The following ZFHX4 variants were observed in gnomAD, a reference collection of about 807,000 sequenced individuals.
ZFHX4 encodes zinc finger homeobox 4, also known as zinc finger homeobox protein 4.
ZFHX4 carries 56 observed loss-of-function variants against 267.6 expected under a neutral mutation model. That is an observed-to-expected ratio of 0.21 (90% confidence interval 0.17 to 0.26). ZFHX4 has a LOEUF of 0.26. Ranked by LOEUF, ZFHX4 falls within the 10% of genes least tolerant of loss-of-function variation. The probability of loss-of-function intolerance (pLI) is 1.00; values close to 1 mark genes in which losing one functional copy is unlikely to be tolerated. For missense variants in ZFHX4, 4,332 were observed against 4,420.0 expected, an observed-to-expected ratio of 0.98 and a Z score of 0.56; for synonymous variants, 1,778 against 1,665.6, an observed-to-expected ratio of 1.07 and a Z score of -1.64.
At chr8:76,856,446 C>A in intron 10 of ZFHX4, 146 bp downstream of exon 10, 3 of 985,526 alleles carry the variant, frequency 3.0e-6, no homozygotes, top group Non-Finnish European at 4.6e-6. Context: ...ATTATATTGG[C>A]TATAGCTAAT....
At position 76,704,198 on chromosome 8, in the gene ZFHX4, G is replaced by A. The variant is rs1277959771; in HGVS notation, c.110G>A (p.Gly37Glu). 1 of 1,613,824 alleles carries A rather than the reference G, an allele frequency of 6.2e-7. No homozygotes were observed. Among genetic ancestry groups the A allele is most frequent in the African/African-American group, 1.3e-5 (1 of 74,912 alleles). ...LDNEVPEKVA[G>E]MEPDRENSST... ...AATGAGGTGCCAGAGAAAGTTGCAG[G>A]GATGGAGCCTGACAGGGAAAACAGC... Residue 37 changes from glycine to glutamate, a missense_variant, in exon 2 of 11, where the codon GGG (glycine) becomes GAG (glutamate). Gly to Glu is a moderately conservative substitution (Grantham distance 98). This residue lies in a region of ZFHX4 where 1,195 missense variants were observed against 1,173.6 expected (regional missense o/e 1.02). Coordinates refer to ENST00000651372, the MANE Select transcript of ZFHX4 (RefSeq NM_024721.5).
chr8:76,773,157 A>G (rs987193906), intron 3 of ZFHX4, among the ~76,000 whole-genome samples: 2 of 152,192 alleles, frequency 1.3e-5, no homozygotes, highest in Non-Finnish European at 1.5e-5. Context: ...AAGAAAAAGC[A>G]GTGGATCCTG....
intron 1 of ZFHX4, among the ~76,000 whole-genome samples, chr8:76,701,418 A>T (rs373851745): frequency 6.6e-6 from 1 of 152,104 alleles, no homozygotes; most frequent in East Asian, 1.9e-4. Context: ...ATCCTACCAT[A>T]TTGCTTTGAC....
intron 3 of ZFHX4, among the ~76,000 whole-genome samples, chr8:76,769,056 C>T (rs544319214): frequency 4.6e-5 from 7 of 152,080 alleles, no homozygotes; most frequent in African/African-American, 1.7e-4. Flanking sequence ...TATGATTGTG[C>T]CACTGCACTC....
chr8:76,794,932 A>T (rs146562830), intron 4 of ZFHX4, among the ~76,000 whole-genome samples: 7 of 149,394 alleles, frequency 4.7e-5, no homozygotes, highest in Non-Finnish European at 1.0e-4. Context: ...GCCTCTTCTC[A>T]GTTGAAGTCC....
chr8:76,818,925 G>A (rs1273615978), intron 4 of ZFHX4, among the ~76,000 whole-genome samples: 9 of 151,640 alleles, frequency 5.9e-5, no homozygotes, highest in African/African-American at 2.2e-4. Flanking sequence ...TAAAAAAAAA[G>A]AAAAGAAATC....
In ZFHX4 at chr8:76,778,313, C is replaced by G. The variant is rs867525228; in HGVS notation, c.3199C>G (p.Arg1067Gly). 6.8e-6 allele frequency: 11 copies of G among 1,613,708 alleles called. No homozygotes were observed. The highest frequency in any genetic ancestry group is 1.3e-5 in the African/African-American group (1 of 74,906). ...KVKLNLVQHV[R>G]SVKHQQTEGL... ...CAAGTTGAATCTGGTACAACATGTCCGTTCGGTGAAGCATCAGCAGACTGA... is the reference window on the plus strand; with the variant it reads ...CAAGTTGAATCTGGTACAACATGTCGGTTCGGTGAAGCATCAGCAGACTGA... Residue 1067 changes from arginine (R) to glycine (G), a missense_variant, in exon 4 of 11, where the codon CGT becomes GGT. Arg to Gly is a moderately radical substitution (Grantham distance 125, BLOSUM62 -2). Around this residue, in one of 7 missense-constraint regions of ZFHX4, gnomAD observed 1,371 missense variants for 1,423.1 expected, o/e 0.96. Coordinates refer to ENST00000651372, the MANE Select transcript of ZFHX4 (RefSeq NM_024721.5).
intron 5 of ZFHX4, among the ~76,000 whole-genome samples, chr8:76,840,162 G>A (rs1812197801): frequency 6.6e-6 from 1 of 152,106 alleles, no homozygotes; most frequent in South Asian, 2.1e-4. Context: ...AGAGCTAATT[G>A]CCTGCCTACT....
At chr8:76,749,630 C>T (rs892931531) in intron 3 of ZFHX4, among the ~76,000 whole-genome samples, 5 of 152,078 alleles carry the variant, frequency 3.3e-5, no homozygotes, top group African/African-American at 9.7e-5. Flanking sequence ...AATTCTAGAA[C>T]TAAGAACAAA....
chr8:76,759,616 GTGA>G (rs1235771753), intron 3 of ZFHX4, among the ~76,000 whole-genome samples: 12 of 152,306 alleles, frequency 7.9e-5, no homozygotes, highest in Admixed American at 7.2e-4. Flanking sequence ...AGCAGAAATG[GTGA>G]TTGATCATCT....
At chr8:76,708,860 A>G (rs930904333) in intron 3 of ZFHX4, among the ~76,000 whole-genome samples, 1 of 152,180 alleles carries the variant, frequency 6.6e-6, no homozygotes, top group Non-Finnish European at 1.5e-5. Flanking sequence ...TTCATGTACA[A>G]ATATAACACA....
intron 3 of ZFHX4, among the ~76,000 whole-genome samples, chr8:76,736,331 T>C (rs1030394109): frequency 2.6e-5 from 4 of 152,088 alleles, no homozygotes; most frequent in African/African-American, 9.7e-5. Flanking sequence ...AATCAGTAAA[T>C]TGAATTTTTA....
chr8:76,777,919 A>T (rs1234672024), intron 3 of ZFHX4, among the ~76,000 whole-genome samples: 2 of 144,112 alleles, frequency 1.4e-5, no homozygotes, highest in African/African-American at 5.2e-5. Flanking sequence ...AGTTAACTGT[A>T]TAAGAAGACT....
chr8:76,681,767 CGCTCGCTCCT>C (rs1807535463), intron 1 of ZFHX4, 147 bp downstream of exon 1: 1 of 311,312 alleles, frequency 3.2e-6, no homozygotes, highest in Non-Finnish European at 5.8e-6. Flanking sequence ...ACCCCTACCT[CGCTCGCTCCT>C]GCTCGCTGTC....
chr8:76,697,030 A>G (rs970117598), intron 1 of ZFHX4, among the ~76,000 whole-genome samples: 12 of 152,144 alleles, frequency 7.9e-5, no homozygotes, highest in Admixed American at 7.9e-4. Flanking sequence ...GATTTTATGT[A>G]GATAATTATG....
intron 3 of ZFHX4, among the ~76,000 whole-genome samples, chr8:76,761,363 G>A (rs1432031767): frequency 6.6e-6 from 1 of 152,168 alleles, no homozygotes; most frequent in East Asian, 1.9e-4. Flanking sequence ...TTGAAACTGT[G>A]TTTATTTATC....
intron 3 of ZFHX4, among the ~76,000 whole-genome samples, chr8:76,721,085 A>AGGGG (rs2131639495): frequency 6.6e-6 from 1 of 152,214 alleles, no homozygotes; most frequent in Admixed American, 6.6e-5. Flanking sequence ...TTGGTCTTTG[A>AGGGG]GGGGGACATG....
In ZFHX4 at chr8:76,851,086, G is replaced by C. The variant is rs1471459885; in HGVS notation, c.4165G>C (p.Val1389Leu). ...NEQQKRQPLSVSDRHVYKYRC... is the reference protein window; with the variant it reads ...NEQQKRQPLSLSDRHVYKYRC... ...ACAGCAAAAAAGGCAACCGCTCTCT[G>C]TTTCTGACCGTCATGTCTACAAGTA... The change falls in exon 10 of 11, where the codon GTT becomes CTT. Residue 1389 changes from valine to leucine, a missense_variant. Val to Leu is a conservative substitution (Grantham distance 32). Coordinates refer to ENST00000651372, the MANE Select transcript of ZFHX4 (RefSeq NM_024721.5). The C allele has an allele frequency of 1.2e-6, 2 of 1,613,894 alleles. No homozygotes were observed. The highest frequency in any genetic ancestry group is 1.3e-5 in the African/African-American group (1 of 74,928).
intron 4 of ZFHX4, among the ~76,000 whole-genome samples, chr8:76,825,036 A>T (rs1811749003): frequency 6.6e-6 from 1 of 152,220 alleles, no homozygotes; most frequent in Non-Finnish European, 1.5e-5. Context: ...CCTCCAAAAT[A>T]TCTGCACAAA....
Sources: allele counts gnomAD v4.1 joint callset (sites outside exome capture counted in the v4.1 genomes callset), GRCh38; gene constraint gnomAD v4.1.1; regional missense constraint gnomAD v4.1.1; transcripts MANE v1.5; gene names NCBI Gene and HGNC (gene_info 2026-07-23, HGNC 2026-07-21).